Variants in SNX29 observed in about 807,000 individuals in gnomAD.
SNX29 encodes sorting nexin-29.
Under a neutral mutation model 102.1 loss-of-function variants are expected in SNX29, and 78 were observed. The observed-to-expected ratio is 0.76, with a 90% CI of 0.64 to 0.92. The LOEUF (loss-of-function observed/expected upper bound fraction) is 0.92, where lower values mean the gene tolerates loss of function less well. Among genes scored for constraint, SNX29 ranks in the 40% least tolerant of loss-of-function variants. SNX29 has a pLI of 0.00. For synonymous variants in SNX29, 580 were observed against 414.5 expected (o/e 1.40, Z -4.85); for missense variants, 1,280 against 1,061.7 (o/e 1.21, Z -2.86).
chr16:12,048,727 G>A (rs1195193312), intron 7 of SNX29, 107 bp downstream of exon 7: 3 of 1,567,892 alleles, frequency 1.9e-6, no homozygotes, highest in Non-Finnish European at 2.6e-6. Flanking sequence ...ATGGAGTCCA[G>A]TGCACTTGCG....
chr16:12,554,982 C>G (rs561148594), intron 20 of SNX29, among the ~76,000 whole-genome samples: 68 of 151,840 alleles, frequency 4.5e-4, no homozygotes, highest in African/African-American at 1.5e-3. Flanking sequence ...GGTCAGTCAG[C>G]CGGAGCACCT....
intron 14 of SNX29, among the ~76,000 whole-genome samples, chr16:12,220,113 C>T (rs1434114098): frequency 1.3e-5 from 2 of 152,176 alleles, no homozygotes; most frequent in Non-Finnish European, 1.5e-5. Flanking sequence ...TAAGAAGAAC[C>T]CCCACCCTTT....
chr16:12,052,238 A>G lies in SNX29; in HGVS notation c.1124+16A>G, dbSNP rs1221745214. 1.2e-6 allele frequency: 2 copies of G among 1,613,510 alleles called. No homozygotes were observed. Among genetic ancestry groups the G allele is most frequent in the Admixed American group, 1.7e-5 (1 of 59,966 alleles). ...CGCCCGAGAAGTAAGTTTGTGTGTA[A>G]GGTGGAGTCTCACCGTCCCCCAGGC... On this transcript the variant is annotated intron_variant, in intron 8 of 20. Transcript: ENST00000566228.
chr16:12,515,517 A>G (rs1254849068), intron 19 of SNX29: 10 of 489,436 alleles, frequency 2.0e-5, no homozygotes, highest in African/African-American at 7.8e-5. Context: ...AGCCGCCACC[A>G]TCTCCTGCCT....
chr16:12,088,724 T>C (rs1021415740), intron 11 of SNX29, among the ~76,000 whole-genome samples: 5 of 152,218 alleles, frequency 3.3e-5, no homozygotes, highest in African/African-American at 1.2e-4. Flanking sequence ...GGTGGGAAGA[T>C]GGCTCGAATG....
intron 15 of SNX29, among the ~76,000 whole-genome samples, chr16:12,322,204 G>A (rs1001332419): frequency 3.3e-5 from 5 of 152,278 alleles, no homozygotes; most frequent in South Asian, 4.1e-4. Flanking sequence ...GGCCAGTCAC[G>A]CTAGTGATGG....
At chr16:12,564,960 T>G (rs1180784044) in intron 20 of SNX29, among the ~76,000 whole-genome samples, 1 of 150,216 alleles carries the variant, frequency 6.7e-6, no homozygotes. Flanking sequence ...AAGGCTGTCA[T>G]TGTAAATGTG....
chr16:12,049,023 G>T (rs1484509150), intron 7 of SNX29, among the ~76,000 whole-genome samples: 1 of 152,212 alleles, frequency 6.6e-6, no homozygotes, highest in African/African-American at 2.4e-5. Flanking sequence ...TGGGTGGGTA[G>T]TTCATGACAA....
At chr16:12,500,738 A>G (rs1401290607) in intron 19 of SNX29, among the ~76,000 whole-genome samples, 1 of 152,256 alleles carries the variant, frequency 6.6e-6, no homozygotes, top group Admixed American at 6.5e-5. Flanking sequence ...GCCCCATCCC[A>G]GACCTGCTGC....
chr16:12,369,221 C>T (rs774845597), intron 16 of SNX29, among the ~76,000 whole-genome samples: 8 of 151,966 alleles, frequency 5.3e-5, no homozygotes, highest in Non-Finnish European at 1.0e-4. Context: ...CTACAACCTC[C>T]GCCTCCTAGG....
chr16:12,014,391 A>G (rs777634770), intron 3 of SNX29, among the ~76,000 whole-genome samples: 3 of 152,056 alleles, frequency 2.0e-5, no homozygotes, highest in Non-Finnish European at 4.4e-5. Context: ...AGAGTTGGAG[A>G]TCTGTCTATA....
chr16:12,571,574 T>G lies in SNX29; in HGVS notation c.*2945T>G, dbSNP rs764099074. 104 of 1,038,344 alleles carry G rather than the reference T, an allele frequency of 1.0e-4. No individual in the cohort carries two copies. The highest frequency in any genetic ancestry group is 1.2e-4 in the Non-Finnish European group (100 of 855,576). 64.3% of individuals were successfully genotyped at this position (1,038,344 alleles called of 1,614,324 possible). ...GAATCCACACCGAATCCTTCTGTCT[T>G]CATGGCCTGCTGTGCTGAAACAGAA... On this transcript the variant is annotated 3_prime_UTR_variant, in exon 21 of 21. Transcript: ENST00000566228.
At chr16:12,173,093 A>T (rs1035834202) in intron 13 of SNX29, among the ~76,000 whole-genome samples, 1 of 152,200 alleles carries the variant, frequency 6.6e-6, no homozygotes, top group Non-Finnish European at 1.5e-5. Context: ...AATGTTCCAC[A>T]TTGCTCTGCA....
At chr16:12,326,590 T>C (rs1596923640) in intron 15 of SNX29, among the ~76,000 whole-genome samples, 1 of 152,144 alleles carries the variant, frequency 6.6e-6, no homozygotes. Context: ...AAGAAAACTT[T>C]ATGTGCAAAA....
intron 13 of SNX29, among the ~76,000 whole-genome samples, chr16:12,165,819 C>T (rs770125080): frequency 2.0e-5 from 3 of 152,266 alleles, no homozygotes; most frequent in Non-Finnish European, 4.4e-5. Flanking sequence ...CTGCCTCGGC[C>T]TCCCAAAGTG....
intron 16 of SNX29, among the ~76,000 whole-genome samples, chr16:12,364,319 G>T (rs2082395954): frequency 1.3e-5 from 2 of 152,102 alleles, no homozygotes; most frequent in African/African-American, 4.8e-5. Flanking sequence ...GGGATTATAG[G>T]TGTGAGCCAC....
rs182393979 is a variant in SNX29, at chr16:12,550,582, G to A, written c.2319-17924G>A. 6.6e-4 allele frequency among the ~76,000 whole-genome samples: 100 copies of A among 150,788 alleles called. No homozygotes were observed. In the East Asian group the frequency reaches 0.011, roughly 17 times the overall value. ...AAATATGAGGATATATACTTCCACC[G>A]GTGCATACATACGTGCTTCTATGTG... On this transcript the variant is annotated intron_variant, in intron 20 of 20. Coordinates refer to ENST00000566228, the MANE Select transcript of SNX29 (RefSeq NM_032167.5).
At chr16:12,275,372 A>G (rs913149742) in intron 14 of SNX29, among the ~76,000 whole-genome samples, 2 of 152,200 alleles carry the variant, frequency 1.3e-5, no homozygotes, top group African/African-American at 4.8e-5. Flanking sequence ...AAAAAATGGA[A>G]TACCCTAACC....
intron 20 of SNX29, among the ~76,000 whole-genome samples, chr16:12,537,483 G>GTGAT (rs1429240776): frequency 1.3e-5 from 2 of 152,152 alleles, no homozygotes; most frequent in Non-Finnish European, 2.9e-5. Context: ...TATAAAATTG[G>GTGAT]TGATAGTGGC....
Sources: allele counts gnomAD v4.1 joint callset (sites outside exome capture counted in the v4.1 genomes callset), GRCh38; gene constraint gnomAD v4.1.1; transcripts MANE v1.5; gene names NCBI Gene and HGNC (gene_info 2026-07-23, HGNC 2026-07-21).